Variants in PTH2R observed in about 807,000 individuals in gnomAD.
The protein encoded by PTH2R is parathyroid hormone 2 receptor.
In PTH2R, 59 loss-of-function variants were observed where a neutral mutation model predicts 60.3. The observed-to-expected ratio is 0.98, with a 90% CI of 0.79 to 1.22. The LOEUF (loss-of-function observed/expected upper bound fraction) is 1.22, where lower values mean the gene tolerates loss of function less well. Among genes scored for constraint, PTH2R ranks in the 50% most tolerant of loss-of-function variants. The pLI is 0.00. For synonymous variants in PTH2R, 256 were observed against 243.8 expected (o/e 1.05, Z -0.47); for missense variants, 749 against 682.6 (o/e 1.10, Z -1.08).
intron 1 of PTH2R, among the ~76,000 whole-genome samples, chr2:208,380,670 C>T (rs560611881): frequency 4.6e-5 from 7 of 152,144 alleles, no homozygotes; most frequent in East Asian, 3.9e-4. Flanking sequence ...TGGAACTCAC[C>T]GGATAAAAGG....
rs981074055 is a variant in PTH2R at position 208,494,344 on chromosome 2, T to A, written c.*685T>A. 6.6e-6 allele frequency: 1 copy of A among 152,256 alleles called. No homozygotes were observed. Among genetic ancestry groups the A allele is most frequent in the Non-Finnish European group, 1.5e-5 (1 of 68,042 alleles). The allele number at this position is 152,256 out of a possible 1,614,324, so 9.4% of individuals were successfully genotyped here. A position where few individuals can be genotyped will look rare whatever the true frequency, so the allele number is the denominator to read the frequency against. On this transcript the variant is annotated 3_prime_UTR_variant, in exon 13 of 13. Transcript: ENST00000272847. ...TCTTTCTTCTTTGTAAACTATGTCA[T>A]GTGGAAAGATTTCCTCAGTTAGTGA...
intron 2 of PTH2R, among the ~76,000 whole-genome samples, chr2:208,431,753 C>T (rs1464666632): frequency 1.3e-5 from 2 of 152,182 alleles, no homozygotes; most frequent in African/African-American, 4.8e-5. Flanking sequence ...TTCAATTTCT[C>T]CACCCCATCA....
At chr2:208,367,557 A>G (rs923430312) in intron 1 of PTH2R, among the ~76,000 whole-genome samples, 4 of 150,596 alleles carry the variant, frequency 2.7e-5, no homozygotes, top group Non-Finnish European at 4.4e-5. Flanking sequence ...TTTAGTAGAG[A>G]TGGGTTTTCA....
At chr2:208,462,291 A>C (rs959628485) in intron 9 of PTH2R, among the ~76,000 whole-genome samples, 2 of 152,230 alleles carry the variant, frequency 1.3e-5, no homozygotes, top group Admixed American at 1.3e-4. Flanking sequence ...TGGAAAACTA[A>C]AGGAAAGAAA....
At chr2:208,464,730 T>C (rs1702707153) in intron 9 of PTH2R, among the ~76,000 whole-genome samples, 1 of 152,138 alleles carries the variant, frequency 6.6e-6, no homozygotes, top group Admixed American at 6.5e-5. Context: ...AAAATGGGAA[T>C]AGACTGGGCA....
In PTH2R at chr2:208,406,921, ACC is replaced by A; in HGVS notation, c.-122_-121del. 2 of 777,366 alleles carry A rather than the reference ACC, an allele frequency of 2.6e-6. No homozygotes were observed. The highest frequency in any genetic ancestry group is 3.1e-5 in the Admixed American group (1 of 31,932). 48.2% of individuals were successfully genotyped at this position (777,366 alleles called of 1,614,324 possible). A position where few individuals can be genotyped will look rare whatever the true frequency, so the allele number is the denominator to read the frequency against. On this transcript the variant is annotated 5_prime_UTR_variant, in exon 1 of 13. Coordinates refer to ENST00000272847, the MANE Select transcript of PTH2R (RefSeq NM_005048.4). ...ACCCTCGGCCGGTGGCCCGGGCCCGACCACCCCAGCTGCGCGTCGTTACTGGC... is the reference window on the plus strand; with the variant it reads ...ACCCTCGGCCGGTGGCCCGGGCCCGAACCCCAGCTGCGCGTCGTTACTGGC...
intron 1 of PTH2R, among the ~76,000 whole-genome samples, chr2:208,382,572 C>T (rs926073530): frequency 3.3e-5 from 5 of 152,066 alleles, no homozygotes; most frequent in Non-Finnish European, 5.9e-5. Context: ...AGAAAATGTG[C>T]GTCAGAAAGT....
intron 9 of PTH2R, among the ~76,000 whole-genome samples, chr2:208,470,399 C>A (rs559721940): frequency 6.6e-6 from 1 of 152,154 alleles, no homozygotes; most frequent in Non-Finnish European, 1.5e-5. Flanking sequence ...TGTCCCCATC[C>A]AGATCTCATC....
intron 8 of PTH2R, among the ~76,000 whole-genome samples, chr2:208,455,703 C>T (rs377402888): frequency 1.3e-5 from 2 of 152,158 alleles, no homozygotes; most frequent in South Asian, 2.1e-4. Context: ...ACCTATATAG[C>T]GCCATATGAC....
At chr2:208,427,498 A>G (rs1701880296) in intron 1 of PTH2R, among the ~76,000 whole-genome samples, 3 of 152,222 alleles carry the variant, frequency 2.0e-5, no homozygotes. Context: ...TTTTCTAAAA[A>G]AAAAATCGTT....
chr2:208,373,077 C>A (rs544492426), intron 1 of PTH2R, among the ~76,000 whole-genome samples: 4 of 152,162 alleles, frequency 2.6e-5, no homozygotes, highest in African/African-American at 7.2e-5. Context: ...CAGAGTGAGA[C>A]CCCGTCTCAA....
At chr2:208,458,627 G>A (rs1702563831) in intron 8 of PTH2R, among the ~76,000 whole-genome samples, 1 of 152,040 alleles carries the variant, frequency 6.6e-6, no homozygotes, top group Non-Finnish European at 1.5e-5. Context: ...ACACCCCAGT[G>A]TCTGTTGTTT....
At chr2:208,481,236 T>G (rs1432444455) in intron 10 of PTH2R, 72 bp downstream of exon 10, 2 of 884,238 alleles carry the variant, frequency 2.3e-6, no homozygotes, top group Admixed American at 2.5e-5. Flanking sequence ...TTTTTTTTTT[T>G]GAGACAGGGT....
intron 1 of PTH2R, among the ~76,000 whole-genome samples, chr2:208,391,846 T>G (rs758910774): frequency 5.4e-4 from 82 of 152,262 alleles, no homozygotes; most frequent in African/African-American, 1.9e-3. Flanking sequence ...CCTTATATCC[T>G]CTGCTAGATA....
At chr2:208,406,230 A>G (rs867804158), upstream of PTH2R, among the ~76,000 whole-genome samples, 10 of 152,030 alleles carry the variant, frequency 6.6e-5, no homozygotes, top group South Asian at 8.3e-4. Flanking sequence ...AAAATAGTCA[A>G]ACTTAAAAAT....
chr2:208,405,579 TC>T (rs761888702), upstream of PTH2R, among the ~76,000 whole-genome samples: 152 of 152,350 alleles, frequency 1.0e-3, no homozygotes, highest in Non-Finnish European at 1.9e-3. Context: ...ATAATAATAT[TC>T]ATCATCACCA....
At chr2:208,377,656 C>T (rs1475016297) in intron 1 of PTH2R, among the ~76,000 whole-genome samples, 8 of 151,272 alleles carry the variant, frequency 5.3e-5, no homozygotes, top group Non-Finnish European at 8.8e-5. Context: ...ACTTCTCAGA[C>T]GGGGCAGCTG....
At chr2:208,367,325 C>T (rs971087239) in intron 1 of PTH2R, among the ~76,000 whole-genome samples, 2 of 152,144 alleles carry the variant, frequency 1.3e-5, no homozygotes, top group Admixed American at 6.5e-5. Flanking sequence ...AACTCCTGAC[C>T]TCAGCCTCCC....
chr2:208,490,611 G>A, intron 11 of PTH2R, 28 bp from the exon 12 acceptor site: 1 of 1,598,848 alleles, frequency 6.3e-7, no homozygotes, highest in Non-Finnish European at 8.5e-7. Flanking sequence ...TGAGTTGGCA[G>A]TGGGCTGACT....
Sources: gnomAD v4.1 joint callset for allele counts (sites outside exome capture counted in the v4.1 genomes callset) on GRCh38, gnomAD v4.1.1 for gene constraint, MANE v1.5 for transcripts, NCBI Gene and HGNC (gene_info 2026-07-23, HGNC 2026-07-21) for gene names.